The following TENM2 variants were observed in gnomAD, a reference collection of about 807,000 sequenced individuals.
TENM2 encodes the protein teneurin-2.
In TENM2, 52 loss-of-function variants were observed where a neutral mutation model predicts 245.2. That is an observed-to-expected ratio of 0.21 (90% CI 0.17 to 0.27). The LOEUF (loss-of-function observed/expected upper bound fraction) is 0.27, where lower values mean the gene tolerates loss of function less well. TENM2 is among the 10% of genes least tolerant of loss of function. The pLI, the probability that TENM2 is intolerant of heterozygous loss-of-function variation, is 1.00. For missense variants in TENM2, 3,046 were observed against 3,666.8 expected, an observed-to-expected ratio of 0.83 and a Z score of 4.37; for synonymous variants, 1,363 against 1,438.9, an observed-to-expected ratio of 0.95 and a Z score of 1.19.
intron 2 of TENM2, among the ~76,000 whole-genome samples, chr5:167,473,166 T>C (rs933317817): frequency 4.6e-5 from 7 of 152,376 alleles, no homozygotes; most frequent in South Asian, 2.1e-4. Flanking sequence ...TTTTGTGTTA[T>C]GTACATACCT....
At chr5:167,900,776 C>A (rs1015460308) in intron 3 of TENM2, among the ~76,000 whole-genome samples, 3 of 148,014 alleles carry the variant, frequency 2.0e-5, no homozygotes, top group African/African-American at 5.0e-5. Flanking sequence ...GTCAGCCTGG[C>A]GTGTCCTGTC....
intron 2 of TENM2, among the ~76,000 whole-genome samples, chr5:167,861,812 G>A (rs1771838791): frequency 6.6e-6 from 1 of 152,238 alleles, no homozygotes; most frequent in African/African-American, 2.4e-5. Context: ...ACAGCAGTCA[G>A]AAGCAAAGCA....
intron 2 of TENM2, among the ~76,000 whole-genome samples, chr5:167,742,723 G>A (rs1761268571): frequency 6.6e-6 from 1 of 151,418 alleles, no homozygotes; most frequent in Admixed American, 6.6e-5. Flanking sequence ...GGCTGAAGCA[G>A]AAGTATCACT....
the TENM2 span, among the ~76,000 whole-genome samples, chr5:167,060,274 T>G: frequency 6.6e-6 from 1 of 152,138 alleles, no homozygotes; most frequent in South Asian, 2.1e-4. Flanking sequence ...AATAGAAAAA[T>G]AAGTTCACAT....
At chr5:167,069,502 G>C in the TENM2 span, among the ~76,000 whole-genome samples, 1 of 152,152 alleles carries the variant, frequency 6.6e-6, no homozygotes, top group Non-Finnish European at 1.5e-5. Context: ...TAAATGGAAA[G>C]TCAAAATAAT....
the TENM2 span, among the ~76,000 whole-genome samples, chr5:167,163,152 G>A: frequency 1.9e-3 from 285 of 152,284 alleles, 2 homozygotes; most frequent in African/African-American, 6.4e-3. Context: ...ACTCAAGCTG[G>A]AATGCAGTGG....
At chr5:168,165,017 C>T (rs985106277) in intron 13 of TENM2, 1 of 152,070 alleles carries the variant, frequency 6.6e-6, no homozygotes, top group African/African-American at 2.4e-5. Context: ...TTTTCTCATC[C>T]TCTTAATGGG....
chr5:167,547,370 C>T (rs1772633160), intron 2 of TENM2, among the ~76,000 whole-genome samples: 2 of 152,220 alleles, frequency 1.3e-5, no homozygotes, highest in Admixed American at 1.3e-4. Flanking sequence ...CGTGCCCGGC[C>T]TTGGCGGTGG....
intron 2 of TENM2, among the ~76,000 whole-genome samples, chr5:167,471,925 C>G (rs1378809830): frequency 6.6e-6 from 1 of 152,202 alleles, no homozygotes; most frequent in Non-Finnish European, 1.5e-5. Flanking sequence ...CCTTTTCTTT[C>G]TCTGAGCCTT....
intron 2 of TENM2, chr5:167,660,507 A>G (rs1032705416): frequency 6.6e-6 from 1 of 151,078 alleles, no homozygotes; most frequent in Non-Finnish European, 1.5e-5. Context: ...TTACACCAAA[A>G]TTAAATGTGG....
rs1365345558 is a variant in TENM2 at position 167,553,184 on chromosome 5, G to A, written c.502+177711G>A. Among the ~76,000 whole-genome samples, 4 of 152,152 alleles carry A rather than the reference G, an allele frequency of 2.6e-5. No individual in the cohort carries two copies. In the East Asian group the frequency reaches 7.7e-4, roughly 29 times the overall value. ...CTGAAACTAAAGGATGAAGAATAGTGAACTATGTGAGGAGCAGGGAAGACC... is the reference window on the plus strand; with the variant it reads ...CTGAAACTAAAGGATGAAGAATAGTAAACTATGTGAGGAGCAGGGAAGACC... On this transcript the variant is annotated intron_variant, in intron 2 of 28. Coordinates refer to ENST00000518659, the Ensembl canonical transcript of TENM2.
chr5:167,240,816 G>A, the TENM2 span, among the ~76,000 whole-genome samples: 1 of 152,166 alleles, frequency 6.6e-6, no homozygotes, highest in Non-Finnish European at 1.5e-5. Flanking sequence ...TTTCCCGAAT[G>A]TCTTAAGAAA....
At chr5:167,506,019 T>TA (rs113853904) in intron 2 of TENM2, among the ~76,000 whole-genome samples, 5,536 of 149,312 alleles carry the variant, frequency 0.037, 221 homozygotes, top group Admixed American at 0.11. Context: ...CATGTTTAAT[T>TA]AAAAAAAAAA....
At chr5:166,988,488 CTTAAT>C in the TENM2 span, among the ~76,000 whole-genome samples, 2 of 152,160 alleles carry the variant, frequency 1.3e-5, no homozygotes, top group Non-Finnish European at 2.9e-5. Flanking sequence ...TGCAGGATCT[CTTAAT>C]TTATTTTCCA....
chr5:167,405,769 A>AAACACACACAC (rs1554145973), intron 2 of TENM2, among the ~76,000 whole-genome samples: 2 of 145,186 alleles, frequency 1.4e-5, no homozygotes, highest in African/African-American at 5.1e-5. Flanking sequence ...CACACACACA[A>AAACACACACAC]ACACACACAC....
intron 2 of TENM2, among the ~76,000 whole-genome samples, chr5:167,597,625 C>T (rs558444005): frequency 6.6e-6 from 1 of 152,278 alleles, no homozygotes; most frequent in South Asian, 2.1e-4. Context: ...GAGAGGACAG[C>T]AGAGAGACAA....
At chr5:167,196,729 TA>T in the TENM2 span, among the ~76,000 whole-genome samples, 2 of 151,828 alleles carry the variant, frequency 1.3e-5, no homozygotes, top group African/African-American at 4.8e-5. Context: ...AACACAAAGT[TA>T]AAAATAAAAT....
the TENM2 span, among the ~76,000 whole-genome samples, chr5:167,175,760 T>G: frequency 6.6e-6 from 1 of 152,214 alleles, no homozygotes; most frequent in Non-Finnish European, 1.5e-5. Context: ...CAGGCTGGAA[T>G]GCAGCTGCAT....
intron 9 of TENM2, among the ~76,000 whole-genome samples, chr5:168,117,270 C>T (rs768095264): frequency 5.9e-5 from 9 of 152,170 alleles, no homozygotes; most frequent in Non-Finnish European, 1.0e-4. Flanking sequence ...CTGCCTGCTC[C>T]CTTTTCTTTT....
Sources: allele counts gnomAD v4.1 joint callset (sites outside exome capture counted in the v4.1 genomes callset), GRCh38; gene constraint gnomAD v4.1.1; transcripts MANE v1.5; gene names NCBI Gene and HGNC (gene_info 2026-07-23, HGNC 2026-07-21).